ANK1: variants seen among roughly 807,000 people sequenced by gnomAD.
The protein encoded by ANK1 is ankyrin-1.
Under a neutral mutation model 210.4 loss-of-function variants are expected in ANK1, and 51 were observed. The ratio of observed to expected loss-of-function variants is 0.24; its 90% CI spans 0.19 to 0.31. ANK1 has a LOEUF of 0.31. ANK1 is among the 10% of genes least tolerant of loss of function. ANK1 has a pLI of 1.00. For synonymous variants in ANK1, 967 were observed against 1,025.9 expected (o/e 0.94, Z 1.10); for missense variants, 2,051 against 2,504.4 (o/e 0.82, Z 3.86).
chr8:41,731,824 C>T (rs376578930), intron 3 of ANK1, among the ~76,000 whole-genome samples: 3 of 152,340 alleles, frequency 2.0e-5, no homozygotes, highest in Admixed American at 6.5e-5. Flanking sequence ...CTCGTGTTTC[C>T]GCAGCCCTTG....
At chr8:41,677,920 GA>G in intron 37 of ANK1, among the ~76,000 whole-genome samples, 1 of 152,158 alleles carries the variant, frequency 6.6e-6, no homozygotes, top group South Asian at 2.1e-4. Flanking sequence ...TAAGAAATCT[GA>G]TGTGAATCTT....
intron 12 of ANK1, 48 bp downstream of exon 12, chr8:41,717,556 T>G: frequency 7.4e-6 from 11 of 1,494,900 alleles, no homozygotes; most frequent in South Asian, 1.2e-5. Context: ...AGCTGCCCTC[T>G]GAGCTCTTGG....
intron 1 of ANK1, among the ~76,000 whole-genome samples, chr8:41,813,136 T>C (rs1001998906): frequency 2.6e-5 from 4 of 152,210 alleles, no homozygotes; most frequent in African/African-American, 7.2e-5. Flanking sequence ...AATGTCTAGA[T>C]TGTGGGTTAT....
intron 3 of ANK1, among the ~76,000 whole-genome samples, chr8:41,728,958 G>A (rs549585599): frequency 1.2e-4 from 19 of 152,340 alleles, no homozygotes; most frequent in South Asian, 2.1e-4. Flanking sequence ...GCCTGGGAGC[G>A]CCAGGAAAGG....
chr8:41,848,187 A>AAAAT (rs10632156), intron 1 of ANK1, among the ~76,000 whole-genome samples: 78,645 of 142,678 alleles, frequency 0.55, 22,098 homozygotes, highest in Middle Eastern at 0.62. Flanking sequence ...CTCAATTTCA[A>AAAAT]AAATAAATAA....
chr8:41,891,680 G>A (rs1490849812), intron 1 of ANK1, among the ~76,000 whole-genome samples: 1 of 152,208 alleles, frequency 6.6e-6, no homozygotes, highest in Non-Finnish European at 1.5e-5. Context: ...CTGAAAAAAT[G>A]GACAGGAGGC....
intron 1 of ANK1, among the ~76,000 whole-genome samples, chr8:41,849,021 T>C (rs1271883884): frequency 1.3e-5 from 2 of 152,084 alleles, no homozygotes; most frequent in Non-Finnish European, 2.9e-5. Flanking sequence ...GTTTCCACCC[T>C]CCAGGGCCAG....
chr8:41,737,577 C>T (rs1284656320), intron 2 of ANK1, among the ~76,000 whole-genome samples: 1 of 152,236 alleles, frequency 6.6e-6, no homozygotes, highest in African/African-American at 2.4e-5. Context: ...CGCGGAGCTG[C>T]ACTCTCCCTC....
chr8:41,893,267 A>C (rs1819784949), intron 1 of ANK1, among the ~76,000 whole-genome samples: 1 of 152,152 alleles, frequency 6.6e-6, no homozygotes, highest in African/African-American at 2.4e-5. Flanking sequence ...CAACCTTCAA[A>C]AGCAGGGGGA....
intron 34 of ANK1, 55 bp downstream of exon 34, chr8:41,688,456 A>C (rs930443494): frequency 5.0e-6 from 8 of 1,587,710 alleles, no homozygotes; most frequent in Non-Finnish European, 6.9e-6. Flanking sequence ...AGATGAGCTC[A>C]CGCCCACCCT....
chr8:41,767,599 A>G (rs1343497862), intron 1 of ANK1, among the ~76,000 whole-genome samples: 1 of 152,000 alleles, frequency 6.6e-6, no homozygotes, highest in African/African-American at 2.4e-5. Flanking sequence ...GTCAGATGGG[A>G]AAGTTAATGC....
intron 1 of ANK1, among the ~76,000 whole-genome samples, chr8:41,779,360 A>G (rs543412750): frequency 1.3e-5 from 2 of 151,808 alleles, no homozygotes; most frequent in African/African-American, 4.8e-5. Flanking sequence ...AGGGCCTTCC[A>G]CCTCAGCCTC....
At chr8:41,794,969 G>T (rs1293530483) in intron 1 of ANK1, among the ~76,000 whole-genome samples, 1 of 152,144 alleles carries the variant, frequency 6.6e-6, no homozygotes, top group Non-Finnish European at 1.5e-5. Flanking sequence ...CTCCCAAAGT[G>T]CTGGGATTAC....
At chr8:41,771,156 C>G (rs1333267425) in intron 1 of ANK1, among the ~76,000 whole-genome samples, 1 of 152,158 alleles carries the variant, frequency 6.6e-6, no homozygotes, top group African/African-American at 2.4e-5. Context: ...GATTTAGATT[C>G]CACAGAAAGA....
chr8:41,785,058 CA>C (rs1390495851), intron 1 of ANK1, among the ~76,000 whole-genome samples: 1 of 152,194 alleles, frequency 6.6e-6, no homozygotes, highest in East Asian at 1.9e-4. Context: ...TTCTGCCCCT[CA>C]GATGAAAGCA....
chr8:41,666,240 G>A (rs1429455321), intron 39 of ANK1, among the ~76,000 whole-genome samples: 3 of 143,234 alleles, frequency 2.1e-5, no homozygotes, highest in Non-Finnish European at 3.1e-5. Flanking sequence ...AATGGCAAAC[G>A]CTTGTGATAG....
chr8:41,849,464 C>T (rs1810758750), intron 1 of ANK1, among the ~76,000 whole-genome samples: 1 of 151,682 alleles, frequency 6.6e-6, no homozygotes, highest in Admixed American at 6.6e-5. Flanking sequence ...GCAGAGACTG[C>T]AGTGAGCTGA....
chr8:41,679,558 CTTTTTTTTTTTTT>C (rs869249907), intron 37 of ANK1, among the ~76,000 whole-genome samples: 1 of 90,242 alleles, frequency 1.1e-5, no homozygotes, highest in Non-Finnish European at 2.0e-5. Context: ...CCTGGACTTT[CTTTTTTTTTTTTT>C]TTTTTTTTTG....
intron 3 of ANK1, among the ~76,000 whole-genome samples, 183 bp downstream of exon 3, chr8:41,733,788 A>G (rs1053633565): frequency 9.2e-5 from 14 of 152,374 alleles, no homozygotes; most frequent in South Asian, 4.1e-4. Flanking sequence ...GGCCCACTGA[A>G]TCTTTCTGGA....
Sources: allele counts gnomAD v4.1 joint callset (sites outside exome capture counted in the v4.1 genomes callset), GRCh38; gene constraint gnomAD v4.1.1; transcripts MANE v1.5; gene names NCBI Gene and HGNC (gene_info 2026-07-23, HGNC 2026-07-21).